The following SYNDIG1 variants were observed in gnomAD, a reference collection of about 807,000 sequenced individuals.
The protein encoded by SYNDIG1 is synapse differentiation inducing 1.
Under a neutral mutation model 19.4 loss-of-function variants are expected in SYNDIG1, and 9 were observed. The observed-to-expected ratio is 0.46, with a 90% CI of 0.28 to 0.81. The LOEUF (loss-of-function observed/expected upper bound fraction) is 0.81. Among genes scored for constraint, SYNDIG1 ranks in the 30% least tolerant of loss-of-function variants. The pLI, the probability that SYNDIG1 is intolerant of heterozygous loss-of-function variation, is 0.12. For missense variants in SYNDIG1, 311 were observed against 343.3 expected, an observed-to-expected ratio of 0.91 and a Z score of 0.74; for synonymous variants, 141 against 145.9, an observed-to-expected ratio of 0.97 and a Z score of 0.24.
At chr20:24,500,747 G>C (rs2056435071) in intron 1 of SYNDIG1, among the ~76,000 whole-genome samples, 1 of 152,114 alleles carries the variant, frequency 6.6e-6, no homozygotes, top group African/African-American at 2.4e-5. Context: ...TGATGGTCCT[G>C]TCAGCCATGT....
At chr20:24,633,490 G>A (rs997298933) in intron 3 of SYNDIG1, among the ~76,000 whole-genome samples, 2 of 152,190 alleles carry the variant, frequency 1.3e-5, no homozygotes, top group African/African-American at 4.8e-5. Flanking sequence ...TAACGTTCAC[G>A]GGGGGGAATG....
intron 1 of SYNDIG1, among the ~76,000 whole-genome samples, chr20:24,508,803 C>G (rs949963148): frequency 6.6e-6 from 1 of 152,138 alleles, no homozygotes; most frequent in Non-Finnish European, 1.5e-5. Context: ...CTCCACTACC[C>G]TGCAGGCGCA....
chr20:24,534,049 A>C (rs558523006), intron 1 of SYNDIG1, among the ~76,000 whole-genome samples: 1 of 152,080 alleles, frequency 6.6e-6, no homozygotes, highest in Non-Finnish European at 1.5e-5. Context: ...ACATCACATG[A>C]CAAAGGGGGA....
chr20:24,516,441 A>T (rs1271814452), intron 1 of SYNDIG1, among the ~76,000 whole-genome samples: 2 of 152,202 alleles, frequency 1.3e-5, no homozygotes, highest in Non-Finnish European at 2.9e-5. Flanking sequence ...CATCTGACAA[A>T]GGGCTAATAT....
chr20:24,500,080 A>G (rs929175119), intron 1 of SYNDIG1, among the ~76,000 whole-genome samples: 2 of 152,200 alleles, frequency 1.3e-5, no homozygotes, highest in Non-Finnish European at 2.9e-5. Flanking sequence ...AGCCGTGTCC[A>G]GACTGTGGGT....
chr20:24,629,158 C>G (rs1281839762), intron 3 of SYNDIG1, among the ~76,000 whole-genome samples: 1 of 152,232 alleles, frequency 6.6e-6, no homozygotes. Context: ...CCGGCTCTGG[C>G]CTGCTACACA....
At chr20:24,564,747 C>A (rs933522361) in intron 2 of SYNDIG1, among the ~76,000 whole-genome samples, 1 of 151,088 alleles carries the variant, frequency 6.6e-6, no homozygotes, top group Non-Finnish European at 1.5e-5. Flanking sequence ...GAGAAGGAGG[C>A]CCCCACTGTG....
chr20:24,659,942 C>T (rs1443091595), intron 3 of SYNDIG1, among the ~76,000 whole-genome samples: 2 of 152,020 alleles, frequency 1.3e-5, no homozygotes, highest in Admixed American at 1.3e-4. Context: ...TTCAACTATG[C>T]TTTCTTCCAG....
intron 3 of SYNDIG1, among the ~76,000 whole-genome samples, chr20:24,611,705 C>T (rs961933097): frequency 1.3e-5 from 2 of 152,306 alleles, no homozygotes; most frequent in African/African-American, 4.8e-5. Context: ...ACTTCTTCCA[C>T]AGGAAATGGG....
chr20:24,537,247 T>C (rs150596945), intron 1 of SYNDIG1, among the ~76,000 whole-genome samples: 136 of 152,304 alleles, frequency 8.9e-4, no homozygotes, highest in Non-Finnish European at 1.8e-3. Context: ...AACCTCTCTA[T>C]TACAGAAAAT....
At chr20:24,551,886 T>C (rs2057712443) in intron 2 of SYNDIG1, among the ~76,000 whole-genome samples, 3 of 152,214 alleles carry the variant, frequency 2.0e-5, no homozygotes, top group Admixed American at 6.5e-5. Context: ...AGACTTGATA[T>C]GTGGCTTAGT....
At chr20:24,623,104 A>G (rs1457012246) in intron 3 of SYNDIG1, among the ~76,000 whole-genome samples, 3 of 151,598 alleles carry the variant, frequency 2.0e-5, no homozygotes, top group African/African-American at 7.3e-5. Flanking sequence ...GCTTGAACAT[A>G]GGAGTCGGAG....
intron 1 of SYNDIG1, among the ~76,000 whole-genome samples, chr20:24,515,115 C>T (rs1367573462): frequency 6.6e-6 from 1 of 152,214 alleles, no homozygotes; most frequent in Non-Finnish European, 1.5e-5. Context: ...CTCTGGGACA[C>T]ATTTAAAACA....
intron 2 of SYNDIG1, among the ~76,000 whole-genome samples, chr20:24,554,071 A>C (rs1396280381): frequency 6.6e-6 from 1 of 152,208 alleles, no homozygotes; most frequent in Non-Finnish European, 1.5e-5. Context: ...CTTTGAAGCA[A>C]TTGTGAATGG....
chr20:24,525,379 C>T (rs1245004445), intron 1 of SYNDIG1, among the ~76,000 whole-genome samples: 2 of 150,004 alleles, frequency 1.3e-5, no homozygotes, highest in African/African-American at 4.9e-5. Flanking sequence ...GCAACCTCCA[C>T]CTCCTGGGTT....
At chr20:24,519,292 G>C (rs746492896) in intron 1 of SYNDIG1, among the ~76,000 whole-genome samples, 3 of 152,204 alleles carry the variant, frequency 2.0e-5, no homozygotes, top group Non-Finnish European at 4.4e-5. Flanking sequence ...TAAAGAAACT[G>C]TGCTTCCATA....
intron 1 of SYNDIG1, among the ~76,000 whole-genome samples, chr20:24,473,332 A>T (rs1308973986): frequency 6.6e-6 from 1 of 152,230 alleles, no homozygotes; most frequent in Non-Finnish European, 1.5e-5. Flanking sequence ...GCATGGTGTC[A>T]AAATCTCTAC....
intron 1 of SYNDIG1, among the ~76,000 whole-genome samples, chr20:24,517,051 A>G (rs1401046387): frequency 6.6e-6 from 1 of 152,204 alleles, no homozygotes; most frequent in East Asian, 1.9e-4. Context: ...TATCGCAAGA[A>G]CAAAAAACCA....
At chr20:24,514,469 G>T (rs2056819056) in intron 1 of SYNDIG1, among the ~76,000 whole-genome samples, 2 of 152,136 alleles carry the variant, frequency 1.3e-5, no homozygotes, top group Admixed American at 1.3e-4. Context: ...GGCAGGGGTT[G>T]CAATCCTAGT....
Sources: gnomAD v4.1 joint callset for allele counts (sites outside exome capture counted in the v4.1 genomes callset) on GRCh38, gnomAD v4.1.1 for gene constraint, MANE v1.5 for transcripts, NCBI Gene and HGNC (gene_info 2026-07-23, HGNC 2026-07-21) for gene names.